The following PGM3 variants were observed in gnomAD, a reference collection of about 807,000 sequenced individuals.
The protein encoded by PGM3 is phosphoglucomutase 3, also known as phosphoacetylglucosamine mutase.
PGM3 carries 40 observed loss-of-function variants against 66.2 expected under a neutral mutation model. The ratio of observed to expected loss-of-function variants is 0.60; its 90% confidence interval spans 0.47 to 0.79. The LOEUF is 0.79. PGM3 is among the 30% of genes least tolerant of loss of function. The pLI is 0.00. For missense variants in PGM3, 537 were observed against 643.4 expected, an observed-to-expected ratio of 0.83 and a Z score of 1.79; for synonymous variants, 191 against 224.2, an observed-to-expected ratio of 0.85 and a Z score of 1.32.
chr6:83,170,222 T>G (rs1044984954), intron 12 of PGM3, 83 bp downstream of exon 12: 1 of 1,269,376 alleles, frequency 7.9e-7, no homozygotes, highest in Non-Finnish European at 1.1e-6. Flanking sequence ...ATCATCATAG[T>G]GAGATTCTAA....
chr6:83,158,511 C>T (rs564683329), downstream of PGM3: 14 of 1,301,378 alleles, frequency 1.1e-5, no homozygotes, highest in Non-Finnish European at 1.4e-5. Context: ...TTAAAGATAA[C>T]TTGAAAGGAT....
intron 8 of PGM3, among the ~76,000 whole-genome samples, chr6:83,176,651 A>G (rs1479668551): frequency 6.6e-6 from 1 of 152,220 alleles, no homozygotes; most frequent in Non-Finnish European, 1.5e-5. Flanking sequence ...AGGGAAAGTC[A>G]TGGATGGATG....
chr6:83,162,057 A>G (rs1310559005), downstream of PGM3, among the ~76,000 whole-genome samples: 1 of 152,184 alleles, frequency 6.6e-6, no homozygotes, highest in African/African-American at 2.4e-5. Context: ...CTACATGTAT[A>G]ATTAAAACAG....
chr6:83,189,832 T>C (rs888446609), intron 2 of PGM3, among the ~76,000 whole-genome samples: 2 of 152,202 alleles, frequency 1.3e-5, no homozygotes, highest in Non-Finnish European at 2.9e-5. Context: ...ATACTGCCAT[T>C]TGCATCATGG....
rs1016452742 is a variant in PGM3 at position 83,165,350 on chromosome 6, T to C, written c.*3884A>G. 1 of 152,558 alleles carries C rather than the reference T, an allele frequency of 6.6e-6. No individual in the cohort carries two copies. The highest frequency in any genetic ancestry group is 1.5e-5 in the Non-Finnish European group (1 of 68,212). The allele number at this position is 152,558 out of a possible 1,614,324, so 9.5% of individuals were successfully genotyped here. On this transcript the variant is annotated 3_prime_UTR_variant, in exon 13 of 13. Coordinates refer to ENST00000513973, the MANE Select transcript of PGM3 (RefSeq NM_015599.3). Reference sequence around the variant, plus strand: ...TAGCTGTTAAGTTTTTTGGTTTGTTTTTGACCAGAGATGATGAAGTAGGTG... The same window carrying C: ...TAGCTGTTAAGTTTTTTGGTTTGTTCTTGACCAGAGATGATGAAGTAGGTG...
intron 8 of PGM3, among the ~76,000 whole-genome samples, chr6:83,176,648 G>T (rs901828243): frequency 3.9e-5 from 6 of 152,204 alleles, no homozygotes; most frequent in African/African-American, 1.4e-4. Flanking sequence ...AATAGGGAAA[G>T]TCATGGATGG....
chr6:83,190,800 A>C lies in PGM3; in HGVS notation c.204+9T>G. On this transcript the variant is annotated intron_variant, in intron 2 of 12. Coordinates refer to ENST00000513973, the MANE Select transcript of PGM3 (RefSeq NM_015599.3). Reference sequence around the variant, plus strand: ...ATGGTCTGCTTTATCAGGGCACTAAACCCATTACCTCAGGATTGTGGGACG... The same window carrying C: ...ATGGTCTGCTTTATCAGGGCACTAACCCCATTACCTCAGGATTGTGGGACG... The C allele has an allele frequency of 6.2e-7, 1 of 1,606,750 alleles. No homozygotes were observed. Among genetic ancestry groups the C allele is most frequent in the Admixed American group, 1.7e-5 (1 of 60,018 alleles).
At chr6:83,156,600 A>C (rs1782851722), downstream of PGM3, among the ~76,000 whole-genome samples, 1 of 152,104 alleles carries the variant, frequency 6.6e-6, no homozygotes. Context: ...ACGTGTCATC[A>C]CCCTGTACCA....
chr6:83,157,114 C>CA (rs1413674194), downstream of PGM3: 10 of 1,509,276 alleles, frequency 6.6e-6, no homozygotes, highest in East Asian at 6.8e-5. Context: ...AGTACTGGAC[C>CA]GACAATATAG....
Position 83,167,462 on chromosome 6 carries a change from A to G in PGM3, c.*1772T>C. On this transcript the variant is annotated 3_prime_UTR_variant, in exon 13 of 13. Coordinates refer to ENST00000513973, the MANE Select transcript of PGM3 (RefSeq NM_015599.3). The stretch of plus-strand genomic sequence containing the variant: ...AGGGGATATATTATGAAATGTATAA[A>G]GCACTTTGTTCCTTTTTTCTGTAGT... 1 of 989,218 alleles carries G rather than the reference A, an allele frequency of 1.0e-6. No individual in the cohort carries two copies. 61.3% of individuals were successfully genotyped at this position (989,218 alleles called of 1,614,324 possible).
chr6:83,178,820 G>A, intron 7 of PGM3, 64 bp from the exon 8 acceptor site: 1 of 976,062 alleles, frequency 1.0e-6, no homozygotes, highest in Non-Finnish European at 1.7e-6. Context: ...CAAATATAAT[G>A]AGAGTTCTAA....
the PGM3 span, chr6:83,153,700 T>C: frequency 3.2e-6 from 4 of 1,260,896 alleles, no homozygotes; most frequent in Non-Finnish European, 4.4e-6. Flanking sequence ...TTGCCATTTC[T>C]AGAATTATCA....
Position 83,176,016 on chromosome 6 carries a change from G to C in PGM3, c.1074C>G (p.His358Gln), listed in dbSNP as rs918442649. The C allele has an allele frequency of 6.2e-7, 1 of 1,611,622 alleles. No homozygotes were observed. Among genetic ancestry groups the C allele is most frequent in the African/African-American group, 1.3e-5 (1 of 74,846 alleles). Residue 358 changes from histidine (H) to glutamine (Q), a missense_variant, in exon 9 of 13, where the codon CAC (histidine) becomes CAG (glutamine). Physicochemically the swap from His to Gln is conservative, Grantham distance 24 (BLOSUM62 0). Coordinates refer to ENST00000513973, the MANE Select transcript of PGM3 (RefSeq NM_015599.3). ...CTCCAATGTCAAACTCTTGAGCCTT[G>C]TGGTGCAAATGTTTTACACCAGTCT... ...CTKTGVKHLH[H>Q]KAQEFDIGVY... is the part of the protein sequence containing the mutation.
rs763876752 is a variant in PGM3 at position 83,190,833 on chromosome 6, C to T, written c.180G>A (p.Met60Ile). 1.9e-6 allele frequency: 3 copies of T among 1,613,936 alleles called. No homozygotes were observed. The South Asian group carries it at 3.3e-5, about 18-fold the overall frequency. Residue 60 changes from methionine (M) to isoleucine (I), a missense_variant, in exon 2 of 13, where the codon ATG becomes ATA. Physicochemically the swap from Met to Ile is conservative, Grantham distance 10. Transcript: ENST00000513973. ...CCTCAGGATTGTGGGACGCTGTTAC[C>T]ATGACTCCTATAGTGGATTTTGTCT... ...SKQTKSTIGV[M>I]VTASHNPEED... is the part of the protein sequence containing the mutation.
chr6:83,152,599 T>C, the PGM3 span, among the ~76,000 whole-genome samples: 1 of 151,670 alleles, frequency 6.6e-6, no homozygotes, highest in Non-Finnish European at 1.5e-5. Flanking sequence ...CCTATTCTTT[T>C]TTATGTGTTT....
Position 83,169,554 on chromosome 6 carries a change from A to G in PGM3, c.1540-231T>C, listed in dbSNP as rs914437570. The G allele has an allele frequency of 1.9e-5, 10 of 536,392 alleles. No individual in the cohort carries two copies. In the South Asian group the frequency reaches 2.0e-4, roughly 11 times the overall value. 33.2% of individuals were successfully genotyped at this position (536,392 alleles called of 1,614,324 possible). A position where few individuals can be genotyped will look rare whatever the true frequency, so the allele number is the denominator to read the frequency against. Reference sequence around the variant, plus strand: ...AATAAGGTAAGTTTTTAATCAATTCAGATTATAAAAATAGCTATCATTCCA... The same window carrying G: ...AATAAGGTAAGTTTTTAATCAATTCGGATTATAAAAATAGCTATCATTCCA... On this transcript the variant is annotated intron_variant, in intron 12 of 12. Transcript: ENST00000513973.
the PGM3 span, chr6:83,151,601 A>G: frequency 1.2e-6 from 2 of 1,605,676 alleles, no homozygotes; most frequent in South Asian, 1.1e-5. Flanking sequence ...AGGGTTCTGA[A>G]TGAGTTTATT....
At chr6:83,183,077 T>G in intron 4 of PGM3, 99 bp from the exon 5 acceptor site, 2 of 1,085,406 alleles carry the variant, frequency 1.8e-6, no homozygotes, top group Non-Finnish European at 2.7e-6. Context: ...GACAAATCCT[T>G]TTGTGTCATC....
intron 3 of PGM3, among the ~76,000 whole-genome samples, chr6:83,188,128 A>G (rs1188932300): frequency 6.6e-6 from 1 of 152,230 alleles, no homozygotes; most frequent in African/African-American, 2.4e-5. Context: ...ACAAAAAGAC[A>G]TTTTTGTTAA....
Sources: allele counts gnomAD v4.1 joint callset (sites outside exome capture counted in the v4.1 genomes callset), GRCh38; gene constraint gnomAD v4.1.1; transcripts MANE v1.5; gene names NCBI Gene and HGNC (gene_info 2026-07-23, HGNC 2026-07-21).